The following RANBP2 variants were observed in gnomAD, a reference collection of about 807,000 sequenced individuals.
RANBP2 encodes the protein RAN binding protein 2, also known as E3 SUMO-protein ligase RanBP2.
In RANBP2, 57 loss-of-function variants were observed where a neutral mutation model predicts 303.6. That is an observed-to-expected ratio of 0.19 (90% CI 0.15 to 0.23). The LOEUF is 0.23. Among genes scored for constraint, RANBP2 ranks in the 10% least tolerant of loss-of-function variants. RANBP2 has a pLI of 1.00. For synonymous variants in RANBP2, 1,167 were observed against 1,301.5 expected (o/e 0.90, Z 2.23); for missense variants, 3,138 against 3,780.8 (o/e 0.83, Z 4.46).
At chr2:109,496,587 T>G in the RANBP2 span, among the ~76,000 whole-genome samples, 1 of 152,242 alleles carries the variant, frequency 6.6e-6, no homozygotes, top group Non-Finnish European at 1.5e-5. Context: ...CCCTTTGACC[T>G]GCTTCTCCCC....
At chr2:109,725,973 T>A in the RANBP2 span, among the ~76,000 whole-genome samples, 2 of 151,894 alleles carry the variant, frequency 1.3e-5, no homozygotes, top group South Asian at 4.2e-4. Flanking sequence ...CCGCAGGTGA[T>A]CCACCCGCCT....
At chr2:109,221,200 C>A in the RANBP2 span, among the ~76,000 whole-genome samples, 1 of 152,224 alleles carries the variant, frequency 6.6e-6, no homozygotes. Flanking sequence ...AGTCAGTCTT[C>A]CACATCCTAG....
chr2:109,056,343 T>G, the RANBP2 span, among the ~76,000 whole-genome samples: 4 of 152,040 alleles, frequency 2.6e-5, no homozygotes, highest in Admixed American at 2.6e-4. Context: ...ACTTTTGAAT[T>G]TTTTTGTAGA....
At chr2:109,051,648 AAAAG>A in the RANBP2 span, among the ~76,000 whole-genome samples, 30 of 152,194 alleles carry the variant, frequency 2.0e-4, no homozygotes, top group African/African-American at 7.2e-4. Flanking sequence ...AAATTTCAAA[AAAAG>A]AAAGAAAAGA....
the RANBP2 span, chr2:109,594,626 G>T: frequency 6.6e-6 from 1 of 152,212 alleles, no homozygotes; most frequent in Non-Finnish European, 1.5e-5. Flanking sequence ...CAATTACAAT[G>T]AACCATGCTG....
chr2:109,437,161 GC>G, the RANBP2 span: 1 of 1,598,854 alleles, frequency 6.3e-7, no homozygotes, highest in Non-Finnish European at 8.5e-7. Context: ...CTTCACAGGG[GC>G]CTCACCCTGC....
the RANBP2 span, among the ~76,000 whole-genome samples, chr2:109,196,067 A>G: frequency 1.3e-5 from 2 of 152,244 alleles, no homozygotes. Context: ...GAAGGGCTCC[A>G]GAGGGAACGC....
At chr2:108,723,026 C>T (rs1694396884) in intron 1 of RANBP2, among the ~76,000 whole-genome samples, 1 of 152,158 alleles carries the variant, frequency 6.6e-6, no homozygotes, top group Non-Finnish European at 1.5e-5. Flanking sequence ...TCAAAGTCTA[C>T]TTGACAGCTC....
At chr2:108,876,471 G>A in the RANBP2 span, 16 of 330,866 alleles carry the variant, frequency 4.8e-5, no homozygotes, top group South Asian at 8.3e-4. Context: ...ACAAGATGGC[G>A]TTTCTAGAAT....
chr2:109,180,664 G>C, the RANBP2 span, among the ~76,000 whole-genome samples: 13 of 152,278 alleles, frequency 8.5e-5, no homozygotes, highest in South Asian at 4.1e-4. Context: ...GGCTCTCTTT[G>C]TCTGATGTCC....
At chr2:109,369,809 A>G in the RANBP2 span, among the ~76,000 whole-genome samples, 1 of 152,172 alleles carries the variant, frequency 6.6e-6, no homozygotes, top group Non-Finnish European at 1.5e-5. Context: ...CTCCCGGTGA[A>G]GCAGTTTCTC....
At chr2:108,789,986 GA>G (rs898258910), downstream of RANBP2, among the ~76,000 whole-genome samples, 1 of 152,146 alleles carries the variant, frequency 6.6e-6, no homozygotes, top group African/African-American at 2.4e-5. Context: ...ATTGTGGAGA[GA>G]AAAAATAATT....
intron 4 of RANBP2, among the ~76,000 whole-genome samples, chr2:108,732,134 A>G (rs1010354351): frequency 1.3e-5 from 2 of 152,226 alleles, no homozygotes; most frequent in African/African-American, 2.4e-5. Flanking sequence ...ATATTAAATT[A>G]TAAATGTATA....
downstream of RANBP2, chr2:108,786,957 T>C (rs1444169643): frequency 7.3e-7 from 1 of 1,375,010 alleles, no homozygotes; most frequent in Non-Finnish European, 9.6e-7. Context: ...CTCCTGCTGC[T>C]GGGGGGCGGC....
the RANBP2 span, among the ~76,000 whole-genome samples, chr2:108,915,621 C>G: frequency 6.6e-6 from 1 of 152,076 alleles, no homozygotes; most frequent in Non-Finnish European, 1.5e-5. Flanking sequence ...AAGAGCTGCC[C>G]AGGCACGGTG....
the RANBP2 span, among the ~76,000 whole-genome samples, chr2:109,143,193 A>G: frequency 6.6e-6 from 1 of 152,240 alleles, no homozygotes; most frequent in African/African-American, 2.4e-5. Context: ...TGGTGCATAT[A>G]GAAAAATTGT....
chr2:109,042,144 A>G, the RANBP2 span, among the ~76,000 whole-genome samples: 72 of 152,312 alleles, frequency 4.7e-4, no homozygotes, highest in Non-Finnish European at 9.1e-4. Flanking sequence ...TTTCTTCATT[A>G]AATAAGTCAC....
chr2:109,322,437 C>G, the RANBP2 span, among the ~76,000 whole-genome samples: 1 of 152,144 alleles, frequency 6.6e-6, no homozygotes, highest in African/African-American at 2.4e-5. Flanking sequence ...GGTGAGTTGT[C>G]TTTGCCTGAG....
At position 108,785,537 on chromosome 2, in the gene RANBP2, T is replaced by C. The variant is rs999889460; in HGVS notation, c.*1636T>C. 17 of 152,240 alleles carry C rather than the reference T, an allele frequency of 1.1e-4. No homozygotes were observed. The highest frequency in any genetic ancestry group is 1.9e-4 in the Non-Finnish European group (13 of 68,042). The allele number at this position is 152,240 out of a possible 1,614,324, so 9.4% of individuals were successfully genotyped here. ...TTCCTAAAGCACTAAAGTTACAAATTAAAAAGCTTTAAAAACTTTGACCAA... is the reference window on the plus strand; with the variant it reads ...TTCCTAAAGCACTAAAGTTACAAATCAAAAAGCTTTAAAAACTTTGACCAA... On this transcript the variant is annotated 3_prime_UTR_variant, in exon 29 of 29. Transcript: ENST00000283195.
Sources: gnomAD v4.1 joint callset for allele counts (sites outside exome capture counted in the v4.1 genomes callset) on GRCh38, gnomAD v4.1.1 for gene constraint, MANE v1.5 for transcripts, NCBI Gene and HGNC (gene_info 2026-07-23, HGNC 2026-07-21) for gene names.